The following NCKAP5 variants were observed in gnomAD, a reference collection of about 807,000 sequenced individuals.
NCKAP5 encodes nck-associated protein 5.
NCKAP5 carries 92 observed loss-of-function variants against 167.0 expected under a neutral mutation model. The observed-to-expected ratio is 0.55, with a 90% confidence interval of 0.47 to 0.66. The LOEUF (loss-of-function observed/expected upper bound fraction) is 0.66, where lower values mean the gene tolerates loss of function less well. Ranked by LOEUF, NCKAP5 falls within the 30% of genes least tolerant of loss-of-function variation. The probability of loss-of-function intolerance (pLI) is 0.00; values close to 1 mark genes in which losing one functional copy is unlikely to be tolerated. For synonymous variants in NCKAP5, 891 were observed against 877.4 expected, an observed-to-expected ratio of 1.02 and a Z score of -0.27; for missense variants, 2,378 against 2,315.0, an observed-to-expected ratio of 1.03 and a Z score of -0.56.
At chr2:133,586,856 T>C in the NCKAP5 span, among the ~76,000 whole-genome samples, 1 of 149,874 alleles carries the variant, frequency 6.7e-6, no homozygotes. Context: ...TAGAGAATGG[T>C]GGGGACTACG....
chr2:133,136,579 CA>C (rs1422403822), intron 5 of NCKAP5, among the ~76,000 whole-genome samples: 2 of 152,134 alleles, frequency 1.3e-5, no homozygotes, highest in Admixed American at 6.5e-5. Flanking sequence ...ATGTCTGTTT[CA>C]AAAGATTTCC....
intron 6 of NCKAP5, among the ~76,000 whole-genome samples, chr2:133,026,693 T>G (rs543428287): frequency 2.0e-5 from 3 of 152,196 alleles, no homozygotes; most frequent in Non-Finnish European, 4.4e-5. Context: ...AGAAAGTCTG[T>G]GCGCTGAAGC....
the NCKAP5 span, among the ~76,000 whole-genome samples, chr2:133,598,485 A>G: frequency 6.6e-6 from 1 of 152,210 alleles, no homozygotes; most frequent in Admixed American, 6.5e-5. Context: ...TAAATTTCCC[A>G]AAAACTCACA....
chr2:133,542,071 A>C (rs148175001), intron 2 of NCKAP5, among the ~76,000 whole-genome samples: 95 of 152,280 alleles, frequency 6.2e-4, no homozygotes, highest in African/African-American at 2.1e-3. Context: ...ATATGCCTGC[A>C]TCCCAGTTGT....
chr2:133,055,615 T>C lies in NCKAP5; in HGVS notation c.342-61376A>G, dbSNP rs111252239. ...GTCAAAATAAAGCAATATAACAATA[T>C]AGACATAATGGGTATAGCCAATTTA... On this transcript the variant is annotated intron_variant, in intron 6 of 19. Transcript: ENST00000409261. Among the ~76,000 whole-genome samples the C allele has an allele frequency of 9.5e-4, 145 of 152,158 alleles. 2 individuals are homozygous for C. Among genetic ancestry groups the C allele is most frequent in the African/African-American group, 3.4e-3 (140 of 41,546 alleles).
At chr2:132,953,557 A>G (rs1318620741) in intron 8 of NCKAP5, among the ~76,000 whole-genome samples, 1 of 152,058 alleles carries the variant, frequency 6.6e-6, no homozygotes, top group South Asian at 2.1e-4. Context: ...GATGCTCTGT[A>G]TCTCTTTGTA....
chr2:133,581,231 G>T, the NCKAP5 span, among the ~76,000 whole-genome samples: 2 of 152,162 alleles, frequency 1.3e-5, no homozygotes, highest in Admixed American at 1.3e-4. Context: ...TGTCTCAGAT[G>T]CATTTGAGTT....
chr2:132,701,009 G>A (rs754765599), intron 19 of NCKAP5, among the ~76,000 whole-genome samples: 5 of 151,752 alleles, frequency 3.3e-5, no homozygotes, highest in East Asian at 1.9e-4. Flanking sequence ...GAATTTAGTC[G>A]GCAATAGGTC....
chr2:133,263,148 T>C (rs1248446217), intron 4 of NCKAP5, among the ~76,000 whole-genome samples: 4 of 152,242 alleles, frequency 2.6e-5, no homozygotes, highest in Admixed American at 1.3e-4. Flanking sequence ...TTGCATTATG[T>C]GCTTTTCATT....
intron 2 of NCKAP5, among the ~76,000 whole-genome samples, chr2:133,546,192 G>A (rs1442516671): frequency 6.6e-6 from 1 of 151,418 alleles, no homozygotes; most frequent in Admixed American, 6.6e-5. Context: ...ATACAGTGAA[G>A]TACATCCAAG....
intron 16 of NCKAP5, among the ~76,000 whole-genome samples, chr2:132,755,452 A>C (rs1194548987): frequency 6.6e-6 from 1 of 152,188 alleles, no homozygotes. Context: ...ATTACGGGCA[A>C]GGCACAATGC....
chr2:132,916,506 A>G (rs535599183), intron 8 of NCKAP5, among the ~76,000 whole-genome samples: 1 of 152,142 alleles, frequency 6.6e-6, no homozygotes, highest in Non-Finnish European at 1.5e-5. Context: ...TTAAAATAGG[A>G]AGAGGCATAG....
chr2:133,325,276 C>T (rs909626466), intron 3 of NCKAP5, among the ~76,000 whole-genome samples: 2 of 152,104 alleles, frequency 1.3e-5, no homozygotes, highest in Admixed American at 6.5e-5. Context: ...AAAGTGTGTA[C>T]TCTGGCCTTT....
intron 5 of NCKAP5, among the ~76,000 whole-genome samples, chr2:133,208,919 G>T (rs1320841422): frequency 6.6e-6 from 1 of 152,102 alleles, no homozygotes; most frequent in Non-Finnish European, 1.5e-5. Flanking sequence ...ATTGATGCAG[G>T]TTGATATGAG....
chr2:132,910,511 C>T (rs1417982938), intron 8 of NCKAP5, among the ~76,000 whole-genome samples: 2 of 152,042 alleles, frequency 1.3e-5, no homozygotes, highest in Non-Finnish European at 2.9e-5. Context: ...TAAGTGAAAA[C>T]ATGGAATGTT....
At chr2:132,979,630 A>C (rs1188651800) in intron 7 of NCKAP5, among the ~76,000 whole-genome samples, 5 of 152,098 alleles carry the variant, frequency 3.3e-5, no homozygotes, top group Admixed American at 1.3e-4. Context: ...GAAGGCTTTA[A>C]ACTTATCCAA....
At chr2:133,213,931 G>C (rs1396388942) in intron 4 of NCKAP5, among the ~76,000 whole-genome samples, 152 bp from the exon 5 acceptor site, 7 of 152,122 alleles carry the variant, frequency 4.6e-5, no homozygotes. Context: ...TATTTAAACT[G>C]ATTGGTCATG....
intron 16 of NCKAP5, among the ~76,000 whole-genome samples, chr2:132,742,382 C>T (rs1558997110): frequency 6.6e-6 from 1 of 151,812 alleles, no homozygotes; most frequent in Non-Finnish European, 1.5e-5. Context: ...CTTTATTTGT[C>T]AAGAAACATA....
chr2:133,112,399 G>A (rs570849858), intron 6 of NCKAP5, among the ~76,000 whole-genome samples: 5 of 152,118 alleles, frequency 3.3e-5, no homozygotes, highest in African/African-American at 9.6e-5. Context: ...GCGTGAACCC[G>A]GGAGGCGGAG....
Sources: allele counts gnomAD v4.1 joint callset (sites outside exome capture counted in the v4.1 genomes callset), GRCh38; gene constraint gnomAD v4.1.1; transcripts MANE v1.5; gene names NCBI Gene and HGNC (gene_info 2026-07-23, HGNC 2026-07-21).